The following IGF2R variants were observed in gnomAD, a reference collection of about 807,000 sequenced individuals.
IGF2R encodes the protein cation-independent mannose-6-phosphate receptor.
Under a neutral mutation model 270.6 loss-of-function variants are expected in IGF2R, and 91 were observed. That is an observed-to-expected ratio of 0.34 (90% CI 0.28 to 0.40). The LOEUF is 0.40. Among genes scored for constraint, IGF2R ranks in the 10% least tolerant of loss-of-function variants. The pLI is 1.00. For synonymous variants in IGF2R, 1,316 were observed against 1,258.9 expected (o/e 1.05, Z -0.96); for missense variants, 2,805 against 3,188.3 (o/e 0.88, Z 2.90).
intron 45 of IGF2R, among the ~76,000 whole-genome samples, chr6:160,100,994 G>T (rs535633610): frequency 6.6e-6 from 1 of 150,954 alleles, no homozygotes; most frequent in African/African-American, 2.4e-5. Context: ...GTTTCACCAT[G>T]TTGGCCAGGC....
At chr6:160,049,752 A>G (rs551407070) in intron 18 of IGF2R, among the ~76,000 whole-genome samples, 3 of 152,330 alleles carry the variant, frequency 2.0e-5, no homozygotes, top group South Asian at 4.1e-4. Flanking sequence ...TGTAAAATAA[A>G]GAGAGTAGAA....
intron 4 of IGF2R, among the ~76,000 whole-genome samples, chr6:160,014,288 G>A (rs1371415458): frequency 6.6e-5 from 10 of 152,206 alleles, no homozygotes; most frequent in African/African-American, 1.7e-4. Context: ...AACTCAATGC[G>A]TGGTGTGTTG....
At chr6:160,103,402 C>T (rs539322888) in intron 46 of IGF2R, among the ~76,000 whole-genome samples, 1 of 151,934 alleles carries the variant, frequency 6.6e-6, no homozygotes, top group East Asian at 1.9e-4. Context: ...CCGGGAAGGG[C>T]ATGTGATGTC....
intron 13 of IGF2R, among the ~76,000 whole-genome samples, chr6:160,045,520 C>T (rs530650116): frequency 6.6e-6 from 1 of 152,192 alleles, no homozygotes; most frequent in African/African-American, 2.4e-5. Flanking sequence ...AACACGAGCT[C>T]TCCATTCCCT....
rs1038061008 is a variant in IGF2R at position 160,108,710 on chromosome 6, G to A, written c.*3626G>A. 6.6e-6 allele frequency: 1 copy of A among 150,878 alleles called. No homozygotes were observed. Among genetic ancestry groups the A allele is most frequent in the African/African-American group, 2.4e-5 (1 of 40,832 alleles). 9.3% of individuals were successfully genotyped at this position (150,878 alleles called of 1,614,324 possible). A position where few individuals can be genotyped will look rare whatever the true frequency, so the allele number is the denominator to read the frequency against. On this transcript the variant is annotated 3_prime_UTR_variant, in exon 48 of 48. Coordinates refer to ENST00000356956, the MANE Select transcript of IGF2R (RefSeq NM_000876.4). ...CTTTCTCTCTTTCTTTCGAGATGGA[G>A]TCTCGCTCTGTTGCCAGGCTGGAGT...
chr6:159,988,652 G>A (rs1783928089), intron 1 of IGF2R, among the ~76,000 whole-genome samples: 1 of 151,854 alleles, frequency 6.6e-6, no homozygotes, highest in Admixed American at 6.6e-5. Flanking sequence ...TTGTGAAATA[G>A]TTTAATGATG....
intron 11 of IGF2R, among the ~76,000 whole-genome samples, chr6:160,042,733 G>A (rs1303190023): frequency 6.6e-6 from 1 of 152,208 alleles, no homozygotes; most frequent in Non-Finnish European, 1.5e-5. Context: ...CTTCACAGGG[G>A]CCGAGCGGGG....
chr6:160,015,501 G>A (rs1158672362), intron 4 of IGF2R, among the ~76,000 whole-genome samples: 1 of 151,886 alleles, frequency 6.6e-6, no homozygotes, highest in Non-Finnish European at 1.5e-5. Context: ...AAAGATGTGG[G>A]TGCCCCTACT....
At chr6:159,973,749 G>A (rs904934573) in intron 1 of IGF2R, among the ~76,000 whole-genome samples, 3 of 152,202 alleles carry the variant, frequency 2.0e-5, no homozygotes, top group Non-Finnish European at 2.9e-5. Context: ...GAATGCCTGC[G>A]TTGGGCCTCA....
In IGF2R at chr6:159,969,241, G is replaced by T; in HGVS notation, c.-6G>T. On this transcript the variant is annotated 5_prime_UTR_variant, in exon 1 of 48. Transcript: ENST00000356956. Reference sequence around the variant, plus strand: ...CGCGCCCGCCGCGCAGTCCGGGCCCGGCGCGATGGGGGCCGCCGCCGGCCG... The same window carrying T: ...CGCGCCCGCCGCGCAGTCCGGGCCCTGCGCGATGGGGGCCGCCGCCGGCCG... 9.9e-7 allele frequency: 1 copy of T among 1,015,058 alleles called. No individual in the cohort carries two copies. Among genetic ancestry groups the T allele is most frequent in the South Asian group, 4.4e-5 (1 of 22,518 alleles). 62.9% of individuals were successfully genotyped at this position (1,015,058 alleles called of 1,614,324 possible).
At position 160,084,004 on chromosome 6, in the gene IGF2R, T is replaced by C. The variant is rs1374266364; in HGVS notation, c.5888T>C (p.Ile1963Thr). The C allele has an allele frequency of 6.2e-7, 1 of 1,614,130 alleles. No individual in the cohort carries two copies. Among genetic ancestry groups the C allele is most frequent in the Non-Finnish European group, 8.5e-7 (1 of 1,180,012 alleles). The change falls in exon 40 of 48, where the codon ATT (isoleucine) becomes ACT (threonine). Residue 1963 changes from isoleucine to threonine, a missense_variant. Ile to Thr is a moderately conservative substitution (Grantham distance 89). Coordinates refer to ENST00000356956, the MANE Select transcript of IGF2R (RefSeq NM_000876.4). The surrounding 1 kb of genome is among the most constrained non-coding windows in gnomAD (Gnocchi z 4.6). Reference sequence around the variant, plus strand: ...TTTAAGTGTGATGAAGATGAGGACATTGGGAGGCCACAAGTCTTCAGTGAA... The same window carrying C: ...TTTAAGTGTGATGAAGATGAGGACACTGGGAGGCCACAAGTCTTCAGTGAA... ...IIFKCDEDED[I>T]GRPQVFSEVR...
intron 45 of IGF2R, among the ~76,000 whole-genome samples, chr6:160,097,115 TTGAA>T (rs1307714341): frequency 6.6e-6 from 1 of 152,224 alleles, no homozygotes; most frequent in Non-Finnish European, 1.5e-5. Context: ...TTACGTTTGT[TTGAA>T]TGAATGAAAA....
chr6:160,038,803 C>T (rs1017171338), intron 10 of IGF2R, among the ~76,000 whole-genome samples: 1 of 151,808 alleles, frequency 6.6e-6, no homozygotes, highest in Non-Finnish European at 1.5e-5. Flanking sequence ...CCAAACCAGC[C>T]AACCAAACAA....
intron 39 of IGF2R, 28 bp from the exon 40 acceptor site, chr6:160,083,922 C>T (rs752380169): frequency 2.1e-6 from 3 of 1,446,596 alleles, no homozygotes; most frequent in Admixed American, 1.7e-5. Flanking sequence ...ACAGTCTGAT[C>T]TCTCTCTCTT....
chr6:160,084,084 A>G lies in IGF2R; in HGVS notation c.5968A>G (p.Lys1990Glu). 2 of 1,614,130 alleles carry G rather than the reference A, an allele frequency of 1.2e-6. No homozygotes were observed. Among genetic ancestry groups the G allele is most frequent in the Non-Finnish European group, 1.7e-6 (2 of 1,180,006 alleles). Residue 1990 changes from lysine (K) to glutamate (E), a missense_variant, in exon 40 of 48, where the codon AAG becomes GAG. Transcript: ENST00000356956. The surrounding 1 kb of genome is among the most constrained non-coding windows in gnomAD (Gnocchi z 4.6). ...EWKTKVVCPP[K>E]KLECKFVQKH... ...GAAAACAAAAGTTGTCTGCCCTCCAAAGAAGTTGGAGTGCAAATTCGTCCA... is the reference window on the plus strand; with the variant it reads ...GAAAACAAAAGTTGTCTGCCCTCCAGAGAAGTTGGAGTGCAAATTCGTCCA...
At chr6:160,046,024 T>G in intron 14 of IGF2R, 142 bp downstream of exon 14, 1 of 651,660 alleles carries the variant, frequency 1.5e-6, no homozygotes, top group Non-Finnish European at 2.5e-6. Context: ...GAACATCCGA[T>G]GTTTGAGGCT....
Position 160,081,784 on chromosome 6 carries a change from C to T in IGF2R, c.5833+1509C>T, listed in dbSNP as rs577891064. ...CAGCGATATTTCTCTTACCCGTTTT[C>T]GGTAATAAGAGAAATATGGCTCTGT... On this transcript the variant is annotated intron_variant, in intron 39 of 47. Coordinates refer to ENST00000356956, the MANE Select transcript of IGF2R (RefSeq NM_000876.4). 1.1e-4 allele frequency among the ~76,000 whole-genome samples: 16 copies of T among 152,280 alleles called. No homozygotes were observed. In the South Asian group the frequency reaches 1.2e-3, roughly 12 times the overall value.
chr6:159,988,614 C>G lies in IGF2R; in HGVS notation c.150-2570C>G, dbSNP rs1008222470. ...CAGTTAACTCATTTTAAATGACACC[C>G]TCATGCACCAATATCATATACTTAG... is the stretch of plus-strand genomic sequence containing the variant. On this transcript the variant is annotated intron_variant, in intron 1 of 47. Transcript: ENST00000356956. 1.3e-4 allele frequency among the ~76,000 whole-genome samples: 20 copies of G among 152,022 alleles called. No homozygotes were observed. In the Middle Eastern group the frequency reaches 0.017, roughly 131 times the overall value.
At chr6:160,027,513 G>A (rs942436790) in intron 6 of IGF2R, among the ~76,000 whole-genome samples, 199 bp downstream of exon 6, 1 of 152,318 alleles carries the variant, frequency 6.6e-6, no homozygotes, top group Admixed American at 6.5e-5. Context: ...TTAATCATTT[G>A]TCTCTTACAG....
Sources: allele counts gnomAD v4.1 joint callset (sites outside exome capture counted in the v4.1 genomes callset), GRCh38; gene constraint gnomAD v4.1.1; non-coding constraint Gnocchi (gnomAD v3.1); transcripts MANE v1.5; gene names NCBI Gene and HGNC (gene_info 2026-07-23, HGNC 2026-07-21).